HIVEP3: variants seen among roughly 807,000 people sequenced by gnomAD.
The protein encoded by HIVEP3 is HIVEP zinc finger 3, also known as transcription factor HIVEP3.
Under a neutral mutation model 152.8 loss-of-function variants are expected in HIVEP3, and 49 were observed. That is an observed-to-expected ratio of 0.32 (90% confidence interval 0.26 to 0.41). HIVEP3 has a LOEUF of 0.41. HIVEP3 is among the 10% of genes least tolerant of loss of function. The probability of loss-of-function intolerance (pLI) is 1.00; values close to 1 mark genes in which losing one functional copy is unlikely to be tolerated. For missense variants in HIVEP3, 2,790 were observed against 3,103.3 expected (o/e 0.90, Z 2.40); for synonymous variants, 1,269 against 1,289.0 (o/e 0.98, Z 0.33).
At chr1:41,529,789 CAT>C (rs1643185456) in intron 5 of HIVEP3, among the ~76,000 whole-genome samples, 2 of 149,364 alleles carry the variant, frequency 1.3e-5, no homozygotes, top group South Asian at 2.2e-4. Flanking sequence ...CCCACACACT[CAT>C]ACATACACAT....
chr1:41,714,616 C>T (rs1646562541), intron 1 of HIVEP3, among the ~76,000 whole-genome samples: 1 of 152,196 alleles, frequency 6.6e-6, no homozygotes, highest in Non-Finnish European at 1.5e-5. Flanking sequence ...AGGGTCCCTG[C>T]TGGCCTCAGG....
intron 1 of HIVEP3, among the ~76,000 whole-genome samples, chr1:41,746,103 C>G (rs1647067604): frequency 6.6e-6 from 1 of 152,172 alleles, no homozygotes; most frequent in Non-Finnish European, 1.5e-5. Context: ...CACTCTGAAG[C>G]AATCATTTGA....
At chr1:41,531,730 GGCGATAGAGGACAGGA>G in intron 5 of HIVEP3, among the ~76,000 whole-genome samples, 1 of 83,900 alleles carries the variant, frequency 1.2e-5, no homozygotes, top group Non-Finnish European at 2.5e-5. Context: ...GGAAGACAGG[GGCGATAGAGGACAGGA>G]GAGATGGAGG....
At chr1:41,812,888 TG>T (rs1415699242) in intron 1 of HIVEP3, among the ~76,000 whole-genome samples, 1 of 22,974 alleles carries the variant, frequency 4.4e-5, no homozygotes, top group African/African-American at 1.8e-4. Flanking sequence ...GTGGAGGGGG[TG>T]GGGGGCGGTC....
intron 1 of HIVEP3, among the ~76,000 whole-genome samples, chr1:41,966,998 TA>T (rs986742731): frequency 2.6e-5 from 4 of 152,086 alleles, no homozygotes; most frequent in African/African-American, 9.7e-5. Context: ...TAAAAAGAGA[TA>T]GCTATCCTAA....
intron 1 of HIVEP3, among the ~76,000 whole-genome samples, chr1:41,804,300 T>C (rs915752040): frequency 4.6e-5 from 7 of 152,162 alleles, no homozygotes; most frequent in African/African-American, 1.7e-4. Flanking sequence ...ATTTTACTGT[T>C]TTCATGGCTC....
At chr1:41,697,908 T>A (rs1013191000) in intron 2 of HIVEP3, among the ~76,000 whole-genome samples, 8 of 152,198 alleles carry the variant, frequency 5.3e-5, no homozygotes, top group African/African-American at 1.9e-4. Flanking sequence ...CCCAGGGTCA[T>A]TCAAGCATAG....
rs1375012004 is a variant in HIVEP3, at chr1:41,583,988, C to T, written c.810G>A (p.Gly270=). 1 of 1,614,172 alleles carries T rather than the reference C, an allele frequency of 6.2e-7. No homozygotes were observed. Among genetic ancestry groups the T allele is most frequent in the Non-Finnish European group, 8.5e-7 (1 of 1,180,028 alleles). Residue 270 remains glycine, a synonymous_variant, in exon 4 of 9, where the codon GGG becomes GGA. Transcript: ENST00000372583. This position sits in a 1 kb window ranked among gnomAD's most constrained non-coding sequence, Gnocchi z 6.9. ...CCTCAGTGGGCTCCTCAAACTCTTCCCCAGGGATCCGCTCCATCTCCAGCC... is the reference window on the plus strand; with the variant it reads ...CCTCAGTGGGCTCCTCAAACTCTTCTCCAGGGATCCGCTCCATCTCCAGCC... ...PHGLEMERIP[G]EEFEEPTEGE...
rs534826344 is a variant in HIVEP3, at chr1:41,918,249, C to A, written c.-801+164G>T. ...CCACGCGCAGCCCACCCGGCCGGCC[C>A]CTGCGTCTCGGCAGCCGGACACCTT... On this transcript the variant is annotated intron_variant, in intron 1 of 8. Coordinates refer to ENST00000372583, the MANE Select transcript of HIVEP3 (RefSeq NM_024503.5). This position sits in a 1 kb window ranked among gnomAD's most constrained non-coding sequence, Gnocchi z 4.3. Among the ~76,000 whole-genome samples the A allele has an allele frequency of 5.9e-5, 9 of 152,366 alleles. No individual in the cohort carries two copies. The highest frequency in any genetic ancestry group is 9.6e-5 in the African/African-American group (4 of 41,600).
At chr1:42,019,170 C>T (rs1645540055) in intron 1 of HIVEP3, among the ~76,000 whole-genome samples, 1 of 151,950 alleles carries the variant, frequency 6.6e-6, no homozygotes, top group Non-Finnish European at 1.5e-5. Flanking sequence ...ATATTTGGTG[C>T]CATAAGTTAT....
chr1:41,604,219 A>C (rs760585909), intron 3 of HIVEP3, among the ~76,000 whole-genome samples: 46 of 152,252 alleles, frequency 3.0e-4, no homozygotes, highest in Non-Finnish European at 5.9e-4. Flanking sequence ...AAAAACACAA[A>C]GAAGAATTTT....
rs1339010547 is a variant in HIVEP3, at chr1:41,540,431, C to A, written c.5208-15521G>T. Among the ~76,000 whole-genome samples the A allele has an allele frequency of 2.0e-5, 3 of 152,366 alleles. No homozygotes were observed. In the East Asian group the frequency reaches 5.8e-4, roughly 29 times the overall value. On this transcript the variant is annotated intron_variant, in intron 5 of 8. Transcript: ENST00000372583. ...GGCAGTTGGTTGGCATCTCTTGCAG[C>A]TGTCCTTACAGATTAAACCTGAAGA...
intron 1 of HIVEP3, among the ~76,000 whole-genome samples, chr1:41,859,721 C>T (rs1643863684): frequency 6.6e-6 from 1 of 152,238 alleles, no homozygotes; most frequent in African/African-American, 2.4e-5. Flanking sequence ...TTTAGACAAT[C>T]TTTGCCAATT....
At chr1:41,991,553 G>C (rs1197106539) in intron 1 of HIVEP3, among the ~76,000 whole-genome samples, 3 of 147,250 alleles carry the variant, frequency 2.0e-5, no homozygotes, top group Admixed American at 2.0e-4. Context: ...ATTCACAGCC[G>C]AATTCTACCA....
At chr1:41,605,361 ACACACG>A (rs1273513195) in intron 3 of HIVEP3, among the ~76,000 whole-genome samples, 8 of 126,900 alleles carry the variant, frequency 6.3e-5, no homozygotes, top group African/African-American at 2.6e-4. Flanking sequence ...TATTACATAC[ACACACG>A]CACACGCGCA....
At chr1:41,559,450 A>G (rs183032122) in intron 5 of HIVEP3, among the ~76,000 whole-genome samples, 1,714 of 152,184 alleles carry the variant, frequency 0.011, 16 homozygotes, top group Non-Finnish European at 0.017. Flanking sequence ...CTGGCAGGAC[A>G]CTTTCCTCCT....
chr1:41,565,428 G>C (rs12031740), intron 5 of HIVEP3, among the ~76,000 whole-genome samples: 6,158 of 152,026 alleles, frequency 0.041, 162 homozygotes, highest in South Asian at 0.083. Context: ...AGAAAATGTG[G>C]GGCAAAGAGA....
intron 5 of HIVEP3, among the ~76,000 whole-genome samples, chr1:41,539,265 C>T (rs1643471967): frequency 6.6e-6 from 1 of 152,154 alleles, no homozygotes; most frequent in Non-Finnish European, 1.5e-5. Context: ...GGGCAGCTCT[C>T]TCACTATTAA....
At chr1:41,681,406 T>C (rs749556860) in intron 2 of HIVEP3, among the ~76,000 whole-genome samples, 13 of 152,190 alleles carry the variant, frequency 8.5e-5, no homozygotes, top group Non-Finnish European at 8.8e-5. Context: ...ATCTGTGTGT[T>C]TTATCAATGG....
Sources: gnomAD v4.1 joint callset for allele counts (sites outside exome capture counted in the v4.1 genomes callset) on GRCh38, gnomAD v4.1.1 for gene constraint, Gnocchi (gnomAD v3.1) non-coding constraint, MANE v1.5 for transcripts, NCBI Gene and HGNC (gene_info 2026-07-23, HGNC 2026-07-21) for gene names.